GCLC: variants seen among roughly 807,000 people sequenced by gnomAD.
GCLC encodes the protein glutamate-cysteine ligase catalytic subunit, also known as glutamate--cysteine ligase catalytic subunit.
A neutral mutation model predicts 81.5 loss-of-function variants in GCLC; 30 were observed. The observed-to-expected ratio is 0.37, with a 90% CI of 0.28 to 0.50. The LOEUF (loss-of-function observed/expected upper bound fraction) is 0.50, where lower values mean the gene tolerates loss of function less well. Among genes scored for constraint, GCLC ranks in the 20% least tolerant of loss-of-function variants. The pLI is 0.96. For missense variants in GCLC, 556 were observed against 777.4 expected, an observed-to-expected ratio of 0.72 and a Z score of 3.39; for synonymous variants, 262 against 273.3, an observed-to-expected ratio of 0.96 and a Z score of 0.41.
rs1197267228 is a variant in GCLC, at chr6:53,498,566, A to C, written c.*190T>G. Reference sequence around the variant, plus strand: ...ATACATTGTTAATCAAAAATACTTTACTATGTACATGTACACTGTATAAAC... The same window carrying C: ...ATACATTGTTAATCAAAAATACTTTCCTATGTACATGTACACTGTATAAAC... On this transcript the variant is annotated 3_prime_UTR_variant, in exon 16 of 16. Transcript: ENST00000650454. The C allele has an allele frequency of 3.5e-5, 21 of 599,520 alleles. No individual in the cohort carries two copies. In the East Asian group the frequency reaches 5.9e-4, roughly 17 times the overall value. 37.1% of individuals were successfully genotyped at this position (599,520 alleles called of 1,614,324 possible).
rs1763147416 is a variant in GCLC, at chr6:53,530,118, T to C, written c.151-7591A>G. ...AAGAGAGTTTTCTAAAGAGACTAAG[T>C]GAGAGTCAATGCTAAATACAGGAAT... On this transcript the variant is annotated intron_variant, in intron 1 of 15. Transcript: ENST00000650454. Among the ~76,000 whole-genome samples, 4 of 152,330 alleles carry C rather than the reference T, an allele frequency of 2.6e-5. No individual in the cohort carries two copies. In the South Asian group the frequency reaches 8.3e-4, roughly 32 times the overall value.
At chr6:53,534,520 A>G (rs1357957551) in intron 1 of GCLC, among the ~76,000 whole-genome samples, 2 of 152,156 alleles carry the variant, frequency 1.3e-5, no homozygotes, top group African/African-American at 2.4e-5. Flanking sequence ...AAAATATATG[A>G]AAGAATAATT....
At chr6:53,500,024 T>G in intron 15 of GCLC, 21 bp downstream of exon 15, 1 of 1,542,282 alleles carries the variant, frequency 6.5e-7, no homozygotes, top group Non-Finnish European at 9.0e-7. Flanking sequence ...ATTATGAGAT[T>G]AAGAAAAATA....
At chr6:53,538,930 T>C (rs1340100225) in intron 1 of GCLC, among the ~76,000 whole-genome samples, 6 of 152,208 alleles carry the variant, frequency 3.9e-5, no homozygotes, top group African/African-American at 9.7e-5. Context: ...AAATTTATGA[T>C]TGTAAATAAC....
intron 1 of GCLC, among the ~76,000 whole-genome samples, chr6:53,532,712 G>A (rs1763193631): frequency 1.3e-5 from 2 of 151,960 alleles, no homozygotes; most frequent in Non-Finnish European, 2.9e-5. Context: ...ATTCTGCTAA[G>A]TCACCATCCA....
In GCLC at chr6:53,507,101, G is replaced by A. The variant is rs1764630649; in HGVS notation, c.1085-76C>T. The stretch of plus-strand genomic sequence containing the variant: ...TCCTCTTAGTCCAGAAAGACGACAG[G>A]ATAGCTCAGGAAGTTTGAAGAAAGG... On this transcript the variant is annotated intron_variant, in intron 9 of 15. Transcript: ENST00000650454. 6 of 834,982 alleles carry A rather than the reference G, an allele frequency of 7.2e-6. No individual in the cohort carries two copies. The South Asian group carries it at 8.3e-5, about 12-fold the overall frequency. 51.7% of individuals were successfully genotyped at this position (834,982 alleles called of 1,614,324 possible).
chr6:53,511,708 T>G (rs897799487), intron 6 of GCLC, among the ~76,000 whole-genome samples: 1 of 151,222 alleles, frequency 6.6e-6, no homozygotes, highest in Non-Finnish European at 1.5e-5. Flanking sequence ...CTTAAAAAGC[T>G]ATGAATACAT....
At chr6:53,514,150 T>C in intron 6 of GCLC, 54 bp downstream of exon 6, 1 of 1,584,898 alleles carries the variant, frequency 6.3e-7, no homozygotes, top group Admixed American at 1.7e-5. Flanking sequence ...ATAAAGAAGT[T>C]AAAAAACAGA....
rs1764668886 is a variant in GCLC, at chr6:53,508,661, A to T, written c.879T>A (p.Ile293=). ...SPFYRGYVSD[I]DCRWGVISAS... is the part of the protein sequence containing the mutation. ...CAGAAATCACTCCCCAGCGACAATC[A>T]ATGTCTGACACATAGCCTCGGTAAA... The change falls in exon 8 of 16, where the codon ATT becomes ATA. Residue 293 remains isoleucine, a synonymous_variant. Coordinates refer to ENST00000650454, the MANE Select transcript of GCLC (RefSeq NM_001498.4). 6.2e-7 allele frequency: 1 copy of T among 1,613,974 alleles called. No homozygotes were observed. The highest frequency in any genetic ancestry group is 2.2e-5 in the East Asian group (1 of 44,876).
intron 6 of GCLC, chr6:53,513,170 A>G (rs1764788638): frequency 6.6e-6 from 1 of 152,246 alleles, no homozygotes; most frequent in Non-Finnish European, 1.5e-5. Context: ...TAAATAGACC[A>G]GAGATATATG....
Position 53,506,941 on chromosome 6 carries a change from T to C in GCLC, c.1169A>G (p.Asp390Gly). 1 of 1,594,842 alleles carries C rather than the reference T, an allele frequency of 6.3e-7. No individual in the cohort carries two copies. The highest frequency in any genetic ancestry group is 1.1e-5 in the South Asian group (1 of 90,616). ...AAAATGGTCAGACTCATTAGCATCA[T>C]CCAGGTGTATTTTCTCTTCAAACAG... ...LTLFEEKIHL[D>G]DANESDHFEN... is the part of the protein sequence containing the mutation. Residue 390 changes from aspartate to glycine, a missense_variant, in exon 10 of 16, where the codon GAT becomes GGT. Asp to Gly is a moderately conservative substitution (Grantham distance 94). Around this residue, in one of 3 missense-constraint regions of GCLC, gnomAD observed 313 missense variants for 437.3 expected, o/e 0.72. Coordinates refer to ENST00000650454, the MANE Select transcript of GCLC (RefSeq NM_001498.4). The surrounding 1 kb of genome is among the most constrained non-coding windows in gnomAD (Gnocchi z 4.0).
intron 1 of GCLC, among the ~76,000 whole-genome samples, chr6:53,534,614 G>C (rs1363282483): frequency 6.6e-6 from 1 of 151,434 alleles, no homozygotes; most frequent in African/African-American, 2.4e-5. Flanking sequence ...CCCACTTACT[G>C]CCTGGGGAGA....
chr6:53,526,677 A>G (rs554592195), intron 1 of GCLC, among the ~76,000 whole-genome samples: 1 of 152,106 alleles, frequency 6.6e-6, no homozygotes, highest in South Asian at 2.1e-4. Context: ...GGGCGCCTGT[A>G]GTCCCAGCTA....
intron 1 of GCLC, among the ~76,000 whole-genome samples, chr6:53,533,792 C>A (rs1489064268): frequency 1.4e-5 from 2 of 144,796 alleles, no homozygotes; most frequent in Admixed American, 7.5e-5. Context: ...TTCTGTTTTT[C>A]TTTTCTTTTT....
At chr6:53,509,985 T>C (rs1335162217) in intron 6 of GCLC, 1 of 152,688 alleles carries the variant, frequency 6.5e-6, no homozygotes, top group Non-Finnish European at 1.5e-5. Flanking sequence ...GGTGGCAGTA[T>C]GGTGAAGAGC....
chr6:53,524,765 A>G (rs1223882865), intron 1 of GCLC, among the ~76,000 whole-genome samples: 1 of 152,208 alleles, frequency 6.6e-6, no homozygotes, highest in African/African-American at 2.4e-5. Flanking sequence ...TTTTTTACCA[A>G]ATGAGCAAGA....
intron 1 of GCLC, among the ~76,000 whole-genome samples, chr6:53,539,874 A>G (rs1205522526): frequency 6.6e-6 from 1 of 152,178 alleles, no homozygotes; most frequent in Admixed American, 6.5e-5. Flanking sequence ...CTGAGCCACT[A>G]GGCTTCTGAC....
intron 11 of GCLC, 37 bp from the exon 12 acceptor site, chr6:53,505,533 C>G: frequency 9.3e-7 from 1 of 1,070,888 alleles, no homozygotes; most frequent in Non-Finnish European, 1.5e-6. Flanking sequence ...TATGAACCAA[C>G]TACACAAACA....
At chr6:53,530,897 CTGTT>C (rs1227318446) in intron 1 of GCLC, among the ~76,000 whole-genome samples, 22 of 152,346 alleles carry the variant, frequency 1.4e-4, no homozygotes, top group African/African-American at 5.3e-4. Context: ...AATCTCATCT[CTGTT>C]TGGAGCCTAT....
Sources: gnomAD v4.1 joint callset for allele counts (sites outside exome capture counted in the v4.1 genomes callset) on GRCh38, gnomAD v4.1.1 for gene constraint, gnomAD v4.1.1 regional missense constraint, Gnocchi (gnomAD v3.1) non-coding constraint, MANE v1.5 for transcripts, NCBI Gene and HGNC (gene_info 2026-07-23, HGNC 2026-07-21) for gene names.